Variants in CPNE4 observed in about 807,000 individuals in gnomAD.
The protein encoded by CPNE4 is copine-4.
In CPNE4, 25 loss-of-function variants were observed where a neutral mutation model predicts 67.9. The ratio of observed to expected loss-of-function variants is 0.37; its 90% confidence interval spans 0.27 to 0.51. The LOEUF (loss-of-function observed/expected upper bound fraction) is 0.51, where lower values mean the gene tolerates loss of function less well. Ranked by LOEUF, CPNE4 falls within the 20% of genes least tolerant of loss-of-function variation. The probability of loss-of-function intolerance (pLI) is 0.93; values close to 1 mark genes in which losing one functional copy is unlikely to be tolerated. For synonymous variants in CPNE4, 242 were observed against 244.9 expected, an observed-to-expected ratio of 0.99 and a Z score of 0.11; for missense variants, 464 against 690.8, an observed-to-expected ratio of 0.67 and a Z score of 3.68.
chr3:131,614,207 T>C (rs1940010359), intron 7 of CPNE4, among the ~76,000 whole-genome samples: 3 of 152,204 alleles, frequency 2.0e-5, no homozygotes. Flanking sequence ...TGTTTTGTGA[T>C]CTCATTCATT....
chr3:131,833,029 AG>A (rs764576258), intron 2 of CPNE4, among the ~76,000 whole-genome samples: 23 of 152,186 alleles, frequency 1.5e-4, no homozygotes, highest in Non-Finnish European at 3.1e-4. Context: ...GAGTAGGATC[AG>A]TGCCTATAAA....
chr3:131,921,391 C>T (rs960383712), intron 1 of CPNE4, among the ~76,000 whole-genome samples: 2 of 152,290 alleles, frequency 1.3e-5, no homozygotes, highest in African/African-American at 4.8e-5. Flanking sequence ...TAAAATTCAA[C>T]TTATTGATTA....
At chr3:131,624,197 T>C (rs180765443) in intron 7 of CPNE4, among the ~76,000 whole-genome samples, 6 of 152,326 alleles carry the variant, frequency 3.9e-5, no homozygotes, top group Admixed American at 2.0e-4. Context: ...TTTCTGACCA[T>C]TGCTTATCTC....
At chr3:131,545,839 GGATCA>G (rs1935805709) in intron 14 of CPNE4, among the ~76,000 whole-genome samples, 1 of 152,160 alleles carries the variant, frequency 6.6e-6, no homozygotes, top group African/African-American at 2.4e-5. Flanking sequence ...CTAGGTGGGC[GGATCA>G]TGAGGTCAGG....
At chr3:131,975,067 T>G (rs545503354) in intron 1 of CPNE4, among the ~76,000 whole-genome samples, 1 of 152,228 alleles carries the variant, frequency 6.6e-6, no homozygotes, top group South Asian at 2.1e-4. Context: ...CAAATTTTTT[T>G]CAAAATTCGT....
At chr3:131,969,337 A>G (rs1373390582) in intron 1 of CPNE4, among the ~76,000 whole-genome samples, 1 of 152,022 alleles carries the variant, frequency 6.6e-6, no homozygotes, top group Non-Finnish European at 1.5e-5. Flanking sequence ...ACAAACCTGC[A>G]TGTTCTGCAC....
chr3:131,937,301 G>A (rs1005974958), intron 1 of CPNE4, among the ~76,000 whole-genome samples: 3 of 152,156 alleles, frequency 2.0e-5, no homozygotes, highest in East Asian at 1.9e-4. Context: ...AAACCATGGG[G>A]TATAAATCAG....
intron 11 of CPNE4, among the ~76,000 whole-genome samples, chr3:131,558,674 A>C (rs1219877337): frequency 6.6e-6 from 1 of 152,022 alleles, no homozygotes; most frequent in Non-Finnish European, 1.5e-5. Context: ...GAAGATTTTG[A>C]GATAAATCAA....
intron 2 of CPNE4, among the ~76,000 whole-genome samples, chr3:131,742,807 C>A (rs1451467516): frequency 6.6e-6 from 1 of 151,972 alleles, no homozygotes; most frequent in African/African-American, 2.4e-5. Flanking sequence ...ATTTCAAACA[C>A]CTTAGAAAGC....
At chr3:132,021,465 A>G (rs2073994378) in intron 1 of CPNE4, among the ~76,000 whole-genome samples, 1 of 152,212 alleles carries the variant, frequency 6.6e-6, no homozygotes, top group African/African-American at 2.4e-5. Context: ...CTCCAAATGC[A>G]GGGGTTGTCT....
chr3:131,602,374 A>T (rs1502666), intron 7 of CPNE4, among the ~76,000 whole-genome samples: 1,825 of 152,278 alleles, frequency 0.012, 47 homozygotes, highest in African/African-American at 0.041. Flanking sequence ...AGGCAAATAC[A>T]GTCCTAAAAT....
At chr3:132,025,023 C>T (rs1021946894) in intron 1 of CPNE4, among the ~76,000 whole-genome samples, 2 of 152,186 alleles carry the variant, frequency 1.3e-5, no homozygotes, top group Non-Finnish European at 2.9e-5. Context: ...TACTCCTACC[C>T]TAGACCCACT....
intron 2 of CPNE4, among the ~76,000 whole-genome samples, chr3:131,736,973 A>G (rs1366971087): frequency 1.3e-5 from 2 of 152,126 alleles, no homozygotes; most frequent in Non-Finnish European, 2.9e-5. Flanking sequence ...CATTATGGAA[A>G]TTACCCTAAG....
In CPNE4 at chr3:131,761,482, G is replaced by A. The variant is rs141907921; in HGVS notation, c.181-37857C>T. Among the ~76,000 whole-genome samples the A allele has an allele frequency of 3.6e-3, 545 of 152,194 alleles. 4 individuals carry two copies. The highest frequency in any genetic ancestry group is 0.012 in the African/African-American group (509 of 41,530). On this transcript the variant is annotated intron_variant, in intron 2 of 15. Transcript: ENST00000429747. Reference sequence around the variant, plus strand: ...AATTTATGAAAAGGCTGGGCATGTTGTCTGGAATGACAAATGGGTAGTACG... The same window carrying A: ...AATTTATGAAAAGGCTGGGCATGTTATCTGGAATGACAAATGGGTAGTACG...
At chr3:131,671,361 TGAA>T (rs750041287) in intron 6 of CPNE4, among the ~76,000 whole-genome samples, 1 of 152,196 alleles carries the variant, frequency 6.6e-6, no homozygotes, top group East Asian at 1.9e-4. Flanking sequence ...TGCTAAAAAG[TGAA>T]GAAGTCTCAT....
At chr3:131,717,525 A>G (rs1186974782) in intron 3 of CPNE4, among the ~76,000 whole-genome samples, 1 of 152,198 alleles carries the variant, frequency 6.6e-6, no homozygotes, top group East Asian at 1.9e-4. Flanking sequence ...AATTCTCCAC[A>G]GATATCTGCA....
At chr3:131,985,216 C>A (rs967862304) in intron 1 of CPNE4, among the ~76,000 whole-genome samples, 1 of 152,162 alleles carries the variant, frequency 6.6e-6, no homozygotes, top group Admixed American at 6.5e-5. Context: ...CTACCCTCAT[C>A]ACCTAAATTA....
intron 2 of CPNE4, among the ~76,000 whole-genome samples, chr3:131,880,783 T>C (rs2087644322): frequency 1.3e-5 from 2 of 152,232 alleles, no homozygotes; most frequent in South Asian, 2.1e-4. Flanking sequence ...TGCATGTACA[T>C]TGCAAACATT....
chr3:131,583,666 A>G (rs1937986500), intron 8 of CPNE4, among the ~76,000 whole-genome samples: 1 of 152,216 alleles, frequency 6.6e-6, no homozygotes, highest in Non-Finnish European at 1.5e-5. Context: ...AAGGAAGTTG[A>G]ATCAAACCCG....
Sources: allele counts gnomAD v4.1 joint callset (sites outside exome capture counted in the v4.1 genomes callset), GRCh38; gene constraint gnomAD v4.1.1; transcripts MANE v1.5; gene names NCBI Gene and HGNC (gene_info 2026-07-23, HGNC 2026-07-21).